EP300: variants seen among roughly 807,000 people sequenced by gnomAD.
The protein encoded by EP300 is histone acetyltransferase p300.
In EP300, 31 loss-of-function variants were observed where a neutral mutation model predicts 264.0. That is an observed-to-expected ratio of 0.12 (90% CI 0.09 to 0.16). The LOEUF (loss-of-function observed/expected upper bound fraction) is 0.16, where lower values mean the gene tolerates loss of function less well. Among genes scored for constraint, EP300 ranks in the 10% least tolerant of loss-of-function variants. The pLI is 1.00. For synonymous variants in EP300, 1,340 were observed against 1,045.4 expected (o/e 1.28, Z -5.44); for missense variants, 2,766 against 3,052.9 (o/e 0.91, Z 2.21).
intron 2 of EP300, among the ~76,000 whole-genome samples, chr22:41,124,955 T>C (rs2058872323): frequency 6.6e-6 from 1 of 152,032 alleles, no homozygotes; most frequent in Non-Finnish European, 1.5e-5. Flanking sequence ...TGTTTGTTTT[T>C]GAGACAGGGT....
At chr22:41,173,203 ACAGCC>A (rs1164207246) in intron 28 of EP300, among the ~76,000 whole-genome samples, 2 of 152,238 alleles carry the variant, frequency 1.3e-5, no homozygotes, top group African/African-American at 4.8e-5. Flanking sequence ...ACAAACTCTT[ACAGCC>A]TTGTCATTTA....
chr22:41,175,742 G>A (rs1027577371), intron 29 of EP300, among the ~76,000 whole-genome samples: 1 of 152,222 alleles, frequency 6.6e-6, no homozygotes, highest in African/African-American at 2.4e-5. Flanking sequence ...AATGTCCACT[G>A]TGCATGGTGC....
chr22:41,156,922 T>A lies in EP300; in HGVS notation c.3262-247T>A, dbSNP rs66776572. On this transcript the variant is annotated intron_variant, in intron 17 of 30. Transcript: ENST00000263253. Reference sequence around the variant, plus strand: ...ACTTTCATAAAGAACCTGAAGTTGCTTCAGTAGAATATCAGCCTGATGTCT... The same window carrying A: ...ACTTTCATAAAGAACCTGAAGTTGCATCAGTAGAATATCAGCCTGATGTCT... Among the ~76,000 whole-genome samples the A allele has an allele frequency of 6.6e-5, 10 of 152,208 alleles. No homozygotes were observed. In the East Asian group the frequency reaches 1.4e-3, roughly 21 times the overall value.
At chr22:41,107,313 G>A (rs899700813) in intron 1 of EP300, among the ~76,000 whole-genome samples, 3 of 152,064 alleles carry the variant, frequency 2.0e-5, no homozygotes, top group South Asian at 2.1e-4. Flanking sequence ...ATTAATAAAG[G>A]TGTTTTACTT....
At chr22:41,148,067 T>A in intron 12 of EP300, 121 bp downstream of exon 12, 1 of 752,700 alleles carries the variant, frequency 1.3e-6, no homozygotes, top group Non-Finnish European at 2.1e-6. Flanking sequence ...AGTTCTTCTG[T>A]AATTCTTCTG....
intron 21 of EP300, 97 bp downstream of exon 21, chr22:41,162,876 T>G: frequency 9.6e-7 from 1 of 1,045,778 alleles, no homozygotes; most frequent in Non-Finnish European, 1.5e-6. Context: ...GATCCTATAT[T>G]CTTGGGCTAA....
At position 41,178,007 on chromosome 22, in the gene EP300, C is replaced by T. The variant is rs2059212643; in HGVS notation, c.6296C>T (p.Pro2099Leu). ...AAGTATGCCAACTCTAATCCACAAC[C>T]CATCCCTGGGCAGCCTGGCATGCCC... ...AAKYANSNPQ[P>L]IPGQPGMPQG... The change falls in exon 31 of 31, where the codon CCC becomes CTC. Residue 2099 changes from proline to leucine, a missense_variant. Physicochemically the swap from Pro to Leu is moderately conservative, Grantham distance 98 (BLOSUM62 -3). Transcript: ENST00000263253. 1.2e-6 allele frequency: 2 copies of T among 1,614,082 alleles called. No homozygotes were observed. Among genetic ancestry groups the T allele is most frequent in the Non-Finnish European group, 1.7e-6 (2 of 1,180,042 alleles).
intron 2 of EP300, among the ~76,000 whole-genome samples, chr22:41,122,815 G>A (rs928584370): frequency 6.6e-6 from 1 of 152,102 alleles, no homozygotes; most frequent in Admixed American, 6.5e-5. Context: ...CAGCACTTAG[G>A]CAGAAGGATT....
intron 6 of EP300, among the ~76,000 whole-genome samples, chr22:41,133,881 T>G (rs945650233): frequency 4.6e-5 from 7 of 152,252 alleles, no homozygotes; most frequent in African/African-American, 1.7e-4. Flanking sequence ...AACAACTGTT[T>G]TGTCAGAAAC....
At chr22:41,141,665 C>CT (rs77123676) in intron 10 of EP300, among the ~76,000 whole-genome samples, 39,488 of 146,000 alleles carry the variant, frequency 0.27, 6,104 homozygotes, top group East Asian at 0.54. Context: ...TCTAGGAACT[C>CT]TTTTTTTTTT....
Position 41,168,570 on chromosome 22 carries a change from C to G in EP300, c.3996C>G (p.Thr1332=), listed in dbSNP as rs142288817. ...GAGTAGTTCATGCTTCTGACAAAAC[C>G]GTGGAAGTAAAACCAGGCATGAAAG... ...TVRVVHASDK[T]VEVKPGMKAR... Residue 1332 remains threonine, a synonymous_variant, in exon 24 of 31, where the codon ACC becomes ACG. Transcript: ENST00000263253. The G allele has an allele frequency of 1.1e-4, 174 of 1,613,982 alleles. No homozygotes were observed. The highest frequency in any genetic ancestry group is 4.9e-4 in the Middle Eastern group (3 of 6,084).
chr22:41,119,140 C>T (rs944193148), intron 2 of EP300, among the ~76,000 whole-genome samples: 3 of 145,532 alleles, frequency 2.1e-5, no homozygotes, highest in African/African-American at 7.6e-5. Context: ...GTAGCTGGAA[C>T]TGAAGGCACA....
chr22:41,137,162 C>T (rs1008281689), intron 7 of EP300, among the ~76,000 whole-genome samples: 5 of 151,866 alleles, frequency 3.3e-5, no homozygotes, highest in Non-Finnish European at 7.4e-5. Context: ...AGTTTGAGAC[C>T]AGCCTAGCCA....
At chr22:41,147,513 AGAT>A (rs1278830676) in intron 11 of EP300, among the ~76,000 whole-genome samples, 1 of 152,028 alleles carries the variant, frequency 6.6e-6, no homozygotes, top group Non-Finnish European at 1.5e-5. Context: ...TGAGGCGGGC[AGAT>A]CACAAGGTCA....
intron 6 of EP300, among the ~76,000 whole-genome samples, chr22:41,135,147 A>G (rs1601609720): frequency 6.6e-6 from 1 of 151,946 alleles, no homozygotes; most frequent in African/African-American, 2.4e-5. Context: ...TGATCCGCCC[A>G]CCTCGGCCTC....
At chr22:41,094,623 C>G (rs567905951) in intron 1 of EP300, among the ~76,000 whole-genome samples, 1 of 152,138 alleles carries the variant, frequency 6.6e-6, no homozygotes, top group Non-Finnish European at 1.5e-5. Flanking sequence ...TCGTTGTATT[C>G]CTTTGCACCT....
intron 20 of EP300, 105 bp from the exon 21 acceptor site, chr22:41,162,618 A>T: frequency 1.2e-6 from 1 of 864,148 alleles, no homozygotes; most frequent in South Asian, 1.4e-5. Flanking sequence ...ATTCTTAAAA[A>T]ACCTGAATCT....
chr22:41,178,626 T>C lies in EP300; in HGVS notation c.6915T>C (p.Asn2305=), dbSNP rs1172668323. The C allele has an allele frequency of 6.2e-7, 1 of 1,613,840 alleles. No homozygotes were observed. Among genetic ancestry groups the C allele is most frequent in the African/African-American group, 1.3e-5 (1 of 74,822 alleles). The change falls in exon 31 of 31, where the codon AAT becomes AAC. Residue 2305 remains asparagine, a synonymous_variant. Transcript: ENST00000263253. ...AGCAGATCCCTAATTCTCTCTCCAATCAAGTGCGCTCTCCCCAGCCTGTCC... is the reference window on the plus strand; with the variant it reads ...AGCAGATCCCTAATTCTCTCTCCAACCAAGTGCGCTCTCCCCAGCCTGTCC... ...QGQQIPNSLS[N]QVRSPQPVPS...
At position 41,164,255 on chromosome 22, in the gene EP300, G is replaced by A. The variant is rs370655380; in HGVS notation, c.3806+125G>A. 21 of 934,564 alleles carry A rather than the reference G, an allele frequency of 2.2e-5. No homozygotes were observed. In the South Asian group the frequency reaches 2.9e-4, roughly 13 times the overall value. 57.9% of individuals were successfully genotyped at this position (934,564 alleles called of 1,614,324 possible). A position where few individuals can be genotyped will look rare whatever the true frequency, so the allele number is the denominator to read the frequency against. ...TACTATCTTTAAATTGTTTTCTTTG[G>A]GTTTGGCCACGATAATTATAGTTCG... On this transcript the variant is annotated intron_variant, in intron 22 of 30. Transcript: ENST00000263253.
Sources: gnomAD v4.1 joint callset for allele counts (sites outside exome capture counted in the v4.1 genomes callset) on GRCh38, gnomAD v4.1.1 for gene constraint, MANE v1.5 for transcripts, NCBI Gene and HGNC (gene_info 2026-07-23, HGNC 2026-07-21) for gene names.